The following HYCC1 variants were observed in gnomAD, a reference collection of about 807,000 sequenced individuals.
HYCC1 encodes hyccin PI4KA lipid kinase complex subunit 1, also known as hyccin.
At chr7:22,950,953 A>G in the HYCC1 span, among the ~76,000 whole-genome samples, 108 of 151,962 alleles carry the variant, frequency 7.1e-4, 1 homozygote, top group African/African-American at 2.5e-3. Context: ...AAAAGATCCA[A>G]AAAGAAACTT....
chr7:23,014,095 C>T, the HYCC1 span: 1 of 470,420 alleles, frequency 2.1e-6, no homozygotes, highest in South Asian at 1.5e-5. Flanking sequence ...GACTGACAAC[C>T]CAGCCGGGAG....
the HYCC1 span, among the ~76,000 whole-genome samples, chr7:22,996,064 G>A: frequency 6.6e-6 from 1 of 152,120 alleles, no homozygotes; most frequent in South Asian, 2.1e-4. Flanking sequence ...GGAGGCTGAG[G>A]CAGGAGGATC....
At chr7:22,911,250 T>C in the HYCC1 span, among the ~76,000 whole-genome samples, 46 of 152,166 alleles carry the variant, frequency 3.0e-4, no homozygotes, top group Non-Finnish European at 6.0e-4. Flanking sequence ...GAGAGCAACA[T>C]TGTGTAGGCT....
At chr7:22,976,548 G>A in the HYCC1 span, 2 of 694,188 alleles carry the variant, frequency 2.9e-6, no homozygotes, top group Non-Finnish European at 2.6e-6. Context: ...GACAAATCTA[G>A]ATCTGTTTTT....
the HYCC1 span, among the ~76,000 whole-genome samples, chr7:22,932,253 G>C: frequency 6.6e-6 from 1 of 152,116 alleles, no homozygotes; most frequent in Non-Finnish European, 1.5e-5. Flanking sequence ...TGTGCCAGTA[G>C]GAACACTGCC....
chr7:23,000,271 T>C, the HYCC1 span, among the ~76,000 whole-genome samples: 4 of 152,236 alleles, frequency 2.6e-5, no homozygotes, highest in Admixed American at 2.0e-4. Context: ...CTGAAAACTC[T>C]CTACTCTTAA....
the HYCC1 span, among the ~76,000 whole-genome samples, chr7:22,929,740 T>C: frequency 6.6e-6 from 1 of 152,210 alleles, no homozygotes; most frequent in East Asian, 1.9e-4. Context: ...TTTACACTGT[T>C]GGTGGACTGT....
the HYCC1 span, among the ~76,000 whole-genome samples, chr7:22,963,717 G>A: frequency 1.3e-5 from 2 of 152,036 alleles, no homozygotes; most frequent in South Asian, 2.1e-4. Context: ...AAACAAACAC[G>A]CATGACTGTA....
At chr7:22,965,973 A>G in the HYCC1 span, among the ~76,000 whole-genome samples, 5 of 152,194 alleles carry the variant, frequency 3.3e-5, no homozygotes, top group East Asian at 1.9e-4. Flanking sequence ...AGCATTTATT[A>G]TAACGAAAAG....
chr7:22,908,321 TA>T, the HYCC1 span, among the ~76,000 whole-genome samples: 1 of 152,228 alleles, frequency 6.6e-6, no homozygotes, highest in Admixed American at 6.5e-5. Flanking sequence ...TTCCACTATA[TA>T]CTCAATTTAA....
At chr7:22,945,557 C>G in the HYCC1 span, 4 of 1,495,170 alleles carry the variant, frequency 2.7e-6, no homozygotes, top group Admixed American at 1.7e-5. Flanking sequence ...TTTCCAGGTT[C>G]ACTAGGTTAT....
At chr7:22,959,104 T>C in the HYCC1 span, among the ~76,000 whole-genome samples, 1 of 152,202 alleles carries the variant, frequency 6.6e-6, no homozygotes, top group African/African-American at 2.4e-5. Flanking sequence ...GACTATATGT[T>C]TTAAATGGTG....
chr7:22,952,262 A>C, the HYCC1 span, among the ~76,000 whole-genome samples: 13 of 152,110 alleles, frequency 8.5e-5, no homozygotes, highest in East Asian at 1.9e-3. Flanking sequence ...GAAGTAGGGT[A>C]ATAGGGGATA....
the HYCC1 span, among the ~76,000 whole-genome samples, chr7:22,969,525 G>GT: frequency 5.7e-4 from 77 of 134,222 alleles, no homozygotes; most frequent in Admixed American, 1.0e-3. Flanking sequence ...TTTTTTTTTG[G>GT]TTTTTTTTTT....
the HYCC1 span, chr7:22,991,235 T>C: frequency 3.9e-6 from 3 of 761,946 alleles, no homozygotes; most frequent in Admixed American, 2.6e-5. Flanking sequence ...TTTTACTTCA[T>C]ATTTGTGAAA....
chr7:22,976,016 G>A, the HYCC1 span, among the ~76,000 whole-genome samples: 3 of 152,032 alleles, frequency 2.0e-5, no homozygotes, highest in East Asian at 1.9e-4. Context: ...TATCGCATCC[G>A]GCCCTTTATC....
the HYCC1 span, among the ~76,000 whole-genome samples, chr7:22,969,708 G>A: frequency 3.3e-5 from 5 of 151,910 alleles, no homozygotes; most frequent in Non-Finnish European, 5.9e-5. Flanking sequence ...ATTTTTAGTA[G>A]AGGTGGGGTT....
the HYCC1 span, among the ~76,000 whole-genome samples, chr7:22,928,891 T>C: frequency 2.0e-5 from 3 of 152,118 alleles, no homozygotes; most frequent in African/African-American, 7.2e-5. Flanking sequence ...AAGTCAATCC[T>C]AAGCCAAAAG....
chr7:22,928,823 C>T, the HYCC1 span, among the ~76,000 whole-genome samples: 98,045 of 151,526 alleles, frequency 0.65, 31,646 homozygotes, highest in Non-Finnish European at 0.67. Flanking sequence ...CTTCACAGAA[C>T]TGGAAAAAAA....
Sources: gnomAD v4.1 joint callset for allele counts (sites outside exome capture counted in the v4.1 genomes callset) on GRCh38, gnomAD v4.1.1 for gene constraint, MANE v1.5 for transcripts, NCBI Gene and HGNC (gene_info 2026-07-23, HGNC 2026-07-21) for gene names.